The following LYST variants were observed in gnomAD, a reference collection of about 807,000 sequenced individuals.
LYST encodes the protein lysosomal-trafficking regulator.
A neutral mutation model predicts 413.6 loss-of-function variants in LYST; 192 were observed. The observed-to-expected ratio is 0.46, with a 90% CI of 0.41 to 0.52. The LOEUF (loss-of-function observed/expected upper bound fraction) is 0.52, where lower values mean the gene tolerates loss of function less well. Ranked by LOEUF, LYST falls within the 20% of genes least tolerant of loss-of-function variation. The pLI is 0.00. For synonymous variants in LYST, 1,525 were observed against 1,567.3 expected (o/e 0.97, Z 0.64); for missense variants, 3,815 against 4,499.9 (o/e 0.85, Z 4.35).
chr1:235,733,370 T>C, intron 34 of LYST, 133 bp downstream of exon 34: 1 of 776,702 alleles, frequency 1.3e-6, no homozygotes, highest in Non-Finnish European at 2.1e-6. Flanking sequence ...GAAAAAAACA[T>C]CACAAATGAT....
chr1:235,792,041 G>A lies in LYST; in HGVS notation c.4201C>T (p.His1401Tyr), dbSNP rs375127531. The A allele has an allele frequency of 5.6e-6, 9 of 1,613,576 alleles. No homozygotes were observed. In the African/African-American group the frequency reaches 6.7e-5, roughly 12 times the overall value. The change falls in exon 12 of 53, where the codon CAC becomes TAC. Residue 1401 changes from histidine to tyrosine, a missense_variant. His to Tyr is a moderately conservative substitution (Grantham distance 83). Coordinates refer to ENST00000389793, the MANE Select transcript of LYST (RefSeq NM_000081.4). ...PSQYLTFPLL[H>Y]APNLSNGVSS... Reference sequence around the variant, plus strand: ...ACACCGTTGCTTAAATTTGGAGCGTGCAGTAAAGGGAAGGTTAGATACTGT... The same window carrying A: ...ACACCGTTGCTTAAATTTGGAGCGTACAGTAAAGGGAAGGTTAGATACTGT...
At chr1:235,866,322 T>C (rs1018561441) in intron 1 of LYST, among the ~76,000 whole-genome samples, 9 of 151,978 alleles carry the variant, frequency 5.9e-5, no homozygotes, top group Non-Finnish European at 1.3e-4. Flanking sequence ...AGGCGCACGG[T>C]GTAGGTGACA....
intron 1 of LYST, among the ~76,000 whole-genome samples, chr1:235,873,688 A>C (rs903303373): frequency 6.6e-6 from 1 of 152,240 alleles, no homozygotes; most frequent in Non-Finnish European, 1.5e-5. Context: ...TTTGACAGCC[A>C]GTATTTGTCT....
At position 235,863,746 on chromosome 1, in the gene LYST, C is replaced by A. The variant is rs188342673; in HGVS notation, c.-98+3097G>T. Among the ~76,000 whole-genome samples the A allele has an allele frequency of 1.7e-4, 26 of 152,072 alleles. 1 individual carries two copies. In the East Asian group the frequency reaches 4.8e-3, roughly 28 times the overall value. Reference sequence around the variant, plus strand: ...GCAGTTTATGGGTGAAATTTTTAACCCCCTGGTATAGTCAAGGTAACGTAA... The same window carrying A: ...GCAGTTTATGGGTGAAATTTTTAACACCCTGGTATAGTCAAGGTAACGTAA... On this transcript the variant is annotated intron_variant, in intron 1 of 52. Transcript: ENST00000389793.
chr1:235,871,672 T>C (rs922145200), upstream of LYST, among the ~76,000 whole-genome samples: 1 of 152,260 alleles, frequency 6.6e-6, no homozygotes, highest in African/African-American at 2.4e-5. Flanking sequence ...TTTAAGGTAG[T>C]GAGTTCTTCC....
At chr1:235,774,193 A>C (rs151228697) in intron 18 of LYST, among the ~76,000 whole-genome samples, 42 of 152,336 alleles carry the variant, frequency 2.8e-4, no homozygotes, top group Non-Finnish European at 4.6e-4. Flanking sequence ...AAATATTTTT[A>C]AGTGAGTACT....
chr1:235,781,240 A>T (rs896377809), intron 15 of LYST, among the ~76,000 whole-genome samples, 185 bp from the exon 16 acceptor site: 2 of 152,214 alleles, frequency 1.3e-5, no homozygotes, highest in Non-Finnish European at 2.9e-5. Context: ...GTCAACTATG[A>T]TGGAAGATGA....
intron 19 of LYST, among the ~76,000 whole-genome samples, chr1:235,771,897 T>C (rs1255813268): frequency 2.0e-5 from 3 of 150,692 alleles, no homozygotes; most frequent in Admixed American, 6.6e-5. Flanking sequence ...ACTAATAGAT[T>C]AGAAAAGGTT....
Position 235,744,166 on chromosome 1 carries a change from T to G in LYST, c.7973-9A>C, listed in dbSNP as rs1205032271. 6.9e-7 allele frequency: 1 copy of G among 1,458,950 alleles called. No individual in the cohort carries two copies. The highest frequency in any genetic ancestry group is 2.3e-5 in the East Asian group (1 of 43,928). 90.4% of individuals were successfully genotyped at this position (1,458,950 alleles called of 1,614,324 possible). On this transcript the variant is annotated splice_polypyrimidine_tract_variant and intron_variant, in intron 29 of 52. Coordinates refer to ENST00000389793, the MANE Select transcript of LYST (RefSeq NM_000081.4). The stretch of plus-strand genomic sequence containing the variant: ...AATGTCTGAATTAAATTCTTTGAAT[T>G]GAAAAAAAGAATACAAAATTAGTCA...
chr1:235,771,906 T>C (rs1009350068), intron 19 of LYST, among the ~76,000 whole-genome samples: 16 of 149,680 alleles, frequency 1.1e-4, no homozygotes, highest in Non-Finnish European at 2.1e-4. Context: ...TTAGAAAAGG[T>C]TTTTTAGTTT....
intron 16 of LYST, among the ~76,000 whole-genome samples, chr1:235,778,121 A>ATATATATATATATATATATT (rs1039912155): frequency 6.9e-6 from 1 of 145,260 alleles, no homozygotes; most frequent in African/African-American, 2.7e-5. Context: ...ATATATATAT[A>ATATATATATATATATATATT]TTTTTGTAGA....
chr1:235,675,006 A>C (rs1286792257), intron 50 of LYST, among the ~76,000 whole-genome samples: 1 of 152,138 alleles, frequency 6.6e-6, no homozygotes, highest in African/African-American at 2.4e-5. Flanking sequence ...ACCTCTCTCG[A>C]TTCTCCCCCG....
intron 45 of LYST, among the ~76,000 whole-genome samples, chr1:235,698,284 T>TA (rs1185080000): frequency 6.6e-6 from 1 of 152,188 alleles, no homozygotes; most frequent in Non-Finnish European, 1.5e-5. Flanking sequence ...GAAACTTGCT[T>TA]ATGTCATTTT....
At chr1:235,670,363 T>A (rs1658833366) in intron 50 of LYST, among the ~76,000 whole-genome samples, 3 of 152,256 alleles carry the variant, frequency 2.0e-5, no homozygotes, top group African/African-American at 7.2e-5. Flanking sequence ...AGCACCCTTC[T>A]GCAGAAGTAA....
chr1:235,688,428 A>G (rs1302401519), intron 47 of LYST, among the ~76,000 whole-genome samples: 2 of 152,186 alleles, frequency 1.3e-5, no homozygotes, highest in Admixed American at 1.3e-4. Context: ...TTCTTATTGC[A>G]TTGTCCAAAG....
chr1:235,682,603 T>A (rs905366124), intron 48 of LYST, among the ~76,000 whole-genome samples: 8 of 152,208 alleles, frequency 5.3e-5, no homozygotes, highest in Middle Eastern at 3.2e-3. Flanking sequence ...ATCTGTTTTA[T>A]GCTTAGGGCC....
chr1:235,695,834 A>C (rs1011395158), intron 46 of LYST, among the ~76,000 whole-genome samples: 37 of 151,876 alleles, frequency 2.4e-4, no homozygotes, highest in Non-Finnish European at 5.2e-4. Flanking sequence ...ACGGGGTTTC[A>C]CCGTGTTAAC....
intron 44 of LYST, among the ~76,000 whole-genome samples, chr1:235,705,092 A>T (rs1424060447): frequency 6.6e-6 from 1 of 152,170 alleles, no homozygotes; most frequent in African/African-American, 2.4e-5. Context: ...GGTTGGTTTT[A>T]TTATTCACAT....
intron 22 of LYST, among the ~76,000 whole-genome samples, chr1:235,762,430 T>C (rs1040043641): frequency 3.9e-5 from 6 of 152,140 alleles, no homozygotes; most frequent in Non-Finnish European, 8.8e-5. Flanking sequence ...TGGTTTTAGG[T>C]AGACAGAAGA....
Sources: allele counts gnomAD v4.1 joint callset (sites outside exome capture counted in the v4.1 genomes callset), GRCh38; gene constraint gnomAD v4.1.1; transcripts MANE v1.5; gene names NCBI Gene and HGNC (gene_info 2026-07-23, HGNC 2026-07-21).